The following KIF16B variants were observed in gnomAD, a reference collection of about 807,000 sequenced individuals.
KIF16B encodes kinesin-like protein KIF16B.
Under a neutral mutation model 156.3 loss-of-function variants are expected in KIF16B, and 98 were observed. The ratio of observed to expected loss-of-function variants is 0.63; its 90% CI spans 0.53 to 0.74. The LOEUF is 0.74. KIF16B is among the 30% of genes least tolerant of loss of function. The pLI, the probability that KIF16B is intolerant of heterozygous loss-of-function variation, is 0.00. For synonymous variants in KIF16B, 564 were observed against 583.7 expected (o/e 0.97, Z 0.49); for missense variants, 1,421 against 1,606.5 (o/e 0.88, Z 1.97).
chr20:16,408,338 C>T (rs2065837891), intron 15 of KIF16B, among the ~76,000 whole-genome samples: 1 of 152,114 alleles, frequency 6.6e-6, no homozygotes. Flanking sequence ...TTGCTTATCC[C>T]TGTCATGCAG....
chr20:16,293,671 G>A (rs1179035804), intron 25 of KIF16B, among the ~76,000 whole-genome samples: 2 of 152,186 alleles, frequency 1.3e-5, no homozygotes, highest in African/African-American at 2.4e-5. Flanking sequence ...GAGCTGCGGT[G>A]TGGCTCAGTC....
At chr20:16,423,460 G>A (rs892659153) in intron 15 of KIF16B, among the ~76,000 whole-genome samples, 1 of 152,110 alleles carries the variant, frequency 6.6e-6, no homozygotes, top group African/African-American at 2.4e-5. Context: ...GTTATATGGT[G>A]TGTACACTCA....
chr20:16,459,636 G>A (rs1423380489), intron 12 of KIF16B, among the ~76,000 whole-genome samples: 1 of 152,102 alleles, frequency 6.6e-6, no homozygotes, highest in East Asian at 1.9e-4. Context: ...AAAGTGCTTG[G>A]ATTTGTTTAA....
chr20:16,411,809 G>A (rs2065962539), intron 15 of KIF16B, among the ~76,000 whole-genome samples: 1 of 151,946 alleles, frequency 6.6e-6, no homozygotes, highest in Non-Finnish European at 1.5e-5. Flanking sequence ...GTGTGTGGTG[G>A]ACCTAAGTTT....
In KIF16B at chr20:16,353,870, C is replaced by T. The variant is rs181489707; in HGVS notation, c.3621+2460G>A. 2.6e-3 allele frequency among the ~76,000 whole-genome samples: 393 copies of T among 152,312 alleles called. 3 individuals carry two copies. Among genetic ancestry groups the T allele is most frequent in the Non-Finnish European group, 3.0e-3 (206 of 68,038 alleles). On this transcript the variant is annotated intron_variant, in intron 23 of 25. Transcript: ENST00000354981. ...AAGGTATCAGGAGGCCCTGCCTAAA[C>T]GGAGAACTAGACATTCTCCAAGTTG... is the stretch of plus-strand genomic sequence containing the variant.
At chr20:16,275,244 C>T (rs939017306) in intron 25 of KIF16B, among the ~76,000 whole-genome samples, 7 of 152,020 alleles carry the variant, frequency 4.6e-5, no homozygotes, top group South Asian at 2.1e-4. Context: ...TTAGTAGAGA[C>T]GGGGTTTCAC....
At chr20:16,412,056 T>C (rs2065971684) in intron 15 of KIF16B, among the ~76,000 whole-genome samples, 1 of 150,796 alleles carries the variant, frequency 6.6e-6, no homozygotes, top group Admixed American at 6.6e-5. Flanking sequence ...GGACCTAACA[T>C]TGGGCACCTG....
intron 23 of KIF16B, among the ~76,000 whole-genome samples, chr20:16,343,052 T>C (rs1382075548): frequency 6.6e-6 from 1 of 152,180 alleles, no homozygotes; most frequent in Non-Finnish European, 1.5e-5. Context: ...AGAAGATCAG[T>C]ACAACAAATA....
Position 16,370,646 on chromosome 20 carries a change from A to C in KIF16B, c.3448-10T>G. 1 of 1,581,136 alleles carries C rather than the reference A, an allele frequency of 6.3e-7. No individual in the cohort carries two copies. The highest frequency in any genetic ancestry group is 8.5e-7 in the Non-Finnish European group (1 of 1,170,170). On this transcript the variant is annotated splice_polypyrimidine_tract_variant and intron_variant, in intron 21 of 25. Coordinates refer to ENST00000354981, the MANE Select transcript of KIF16B (RefSeq NM_024704.5). ...GAAGTTTCTCATTATCCTGAAAAGA[A>C]AAGAAAAAGCCCTCTATATTAAATT...
At chr20:16,476,210 T>C (rs2067806941) in intron 12 of KIF16B, among the ~76,000 whole-genome samples, 1 of 152,180 alleles carries the variant, frequency 6.6e-6, no homozygotes, top group Non-Finnish European at 1.5e-5. Flanking sequence ...TTCCCATTAC[T>C]ATTGTATTTA....
chr20:16,421,815 G>C (rs1165592181), intron 15 of KIF16B, among the ~76,000 whole-genome samples: 1 of 152,084 alleles, frequency 6.6e-6, no homozygotes. Flanking sequence ...GTGATACTGA[G>C]AAAGCTGTTC....
intron 22 of KIF16B, chr20:16,368,247 A>AACTG (rs2064726051): frequency 2.0e-6 from 2 of 1,003,104 alleles, no homozygotes. Flanking sequence ...CAAGGCGAAA[A>AACTG]ACTGAGCTTG....
chr20:16,386,421 CTTGGA>C (rs994907184), intron 17 of KIF16B, among the ~76,000 whole-genome samples: 1 of 151,908 alleles, frequency 6.6e-6, no homozygotes, highest in Non-Finnish European at 1.5e-5. Flanking sequence ...GGAGGTTCAT[CTTGGA>C]GAGACCTTTG....
At chr20:16,529,803 T>C (rs2069679374) in intron 1 of KIF16B, among the ~76,000 whole-genome samples, 1 of 152,080 alleles carries the variant, frequency 6.6e-6, no homozygotes, top group Non-Finnish European at 1.5e-5. Flanking sequence ...AATAGAAAAT[T>C]AGCCGGCCAT....
At chr20:16,491,733 T>C (rs17741318) in intron 12 of KIF16B, among the ~76,000 whole-genome samples, 18,120 of 152,152 alleles carry the variant, frequency 0.12, 1,388 homozygotes, top group Non-Finnish European at 0.17. Flanking sequence ...ACGATGACCA[T>C]GTTGCCACCA....
At chr20:16,296,680 A>T (rs2063391783) in intron 25 of KIF16B, among the ~76,000 whole-genome samples, 1 of 152,240 alleles carries the variant, frequency 6.6e-6, no homozygotes, top group African/African-American at 2.4e-5. Context: ...GATTGATATT[A>T]GAATATCTAA....
Position 16,534,848 on chromosome 20 carries a change from G to A in KIF16B, c.48-6408C>T, listed in dbSNP as rs113029685. Among the ~76,000 whole-genome samples, 394 of 152,010 alleles carry A rather than the reference G, an allele frequency of 2.6e-3. 1 individual carries two copies. Among genetic ancestry groups the A allele is most frequent in the Non-Finnish European group, 4.3e-3 (293 of 67,962 alleles). ...CTGGGTTCTCTGTTCTGCTCCATTG[G>A]TCCATGTGTCTATTTTTATATAATA... On this transcript the variant is annotated intron_variant, in intron 1 of 25. Transcript: ENST00000354981.
At chr20:16,519,563 G>A (rs2069259669) in intron 3 of KIF16B, among the ~76,000 whole-genome samples, 1 of 152,172 alleles carries the variant, frequency 6.6e-6, no homozygotes, top group Admixed American at 6.5e-5. Flanking sequence ...GGTGCACACA[G>A]AGAACTGGGG....
rs2065744039 is a variant in KIF16B, at chr20:16,404,921, A to T, written c.1696-20T>A. On this transcript the variant is annotated intron_variant, in intron 16 of 25. Transcript: ENST00000354981. ...GCCACTCTAAGGGCAGACACAGGGC[A>T]GAGTGGTTACCTTAGCAGAGAAGAA... is the stretch of plus-strand genomic sequence containing the variant. 1 of 1,591,158 alleles carries T rather than the reference A, an allele frequency of 6.3e-7. No homozygotes were observed. Among genetic ancestry groups the T allele is most frequent in the Non-Finnish European group, 8.6e-7 (1 of 1,160,426 alleles).
Sources: allele counts gnomAD v4.1 joint callset (sites outside exome capture counted in the v4.1 genomes callset), GRCh38; gene constraint gnomAD v4.1.1; transcripts MANE v1.5; gene names NCBI Gene and HGNC (gene_info 2026-07-23, HGNC 2026-07-21).